The following SLC25A26 variants were observed in gnomAD, a reference collection of about 807,000 sequenced individuals.
The protein encoded by SLC25A26 is mitochondrial S-adenosylmethionine carrier protein.
SLC25A26 carries 36 observed loss-of-function variants against 37.8 expected under a neutral mutation model. The ratio of observed to expected loss-of-function variants is 0.95; its 90% CI spans 0.73 to 1.26. The LOEUF (loss-of-function observed/expected upper bound fraction) is 1.26, where lower values mean the gene tolerates loss of function less well. Among genes scored for constraint, SLC25A26 ranks in the 50% most tolerant of loss-of-function variants. The pLI is 0.00. For missense variants in SLC25A26, 390 were observed against 331.1 expected, an observed-to-expected ratio of 1.18 and a Z score of -1.38; for synonymous variants, 129 against 122.5, an observed-to-expected ratio of 1.05 and a Z score of -0.35.
intron 6 of SLC25A26, among the ~76,000 whole-genome samples, chr3:66,350,713 T>C (rs76510120): frequency 2.6e-5 from 2 of 77,604 alleles, no homozygotes; most frequent in African/African-American, 3.9e-5. Flanking sequence ...TGTGTGTGTG[T>C]GAGCGCGCGC....
At chr3:66,292,201 A>C (rs539260436) in intron 5 of SLC25A26, among the ~76,000 whole-genome samples, 13 of 152,150 alleles carry the variant, frequency 8.5e-5, no homozygotes, top group African/African-American at 2.9e-4. Context: ...GTCTTTGCAC[A>C]TGAGATGGGC....
intron 5 of SLC25A26, among the ~76,000 whole-genome samples, chr3:66,329,945 G>GT (rs1411349874): frequency 6.6e-6 from 1 of 152,194 alleles, no homozygotes; most frequent in Non-Finnish European, 1.5e-5. Flanking sequence ...GCTTTAGCAT[G>GT]TTTTTTGTAG....
intron 1 of SLC25A26, among the ~76,000 whole-genome samples, chr3:66,196,777 A>G (rs1166691498): frequency 6.6e-6 from 1 of 152,202 alleles, no homozygotes; most frequent in African/African-American, 2.4e-5. Context: ...AACCATCTAC[A>G]TTAATTATTA....
At chr3:66,226,152 A>G (rs371204208) in intron 1 of SLC25A26, among the ~76,000 whole-genome samples, 6 of 152,280 alleles carry the variant, frequency 3.9e-5, no homozygotes, top group African/African-American at 9.6e-5. Flanking sequence ...AGACTGGGTA[A>G]TTTATAAAGG....
At chr3:66,190,644 G>A (rs1001388132) in intron 1 of SLC25A26, among the ~76,000 whole-genome samples, 1 of 152,024 alleles carries the variant, frequency 6.6e-6, no homozygotes, top group Admixed American at 6.6e-5. Flanking sequence ...GGCCAGGCTG[G>A]TCTCAAACTC....
intron 3 of SLC25A26, among the ~76,000 whole-genome samples, chr3:66,251,826 A>C (rs1406295938): frequency 6.6e-6 from 1 of 152,062 alleles, no homozygotes; most frequent in Non-Finnish European, 1.5e-5. Context: ...TTCTTTTTCT[A>C]ATATAGTATG....
upstream of SLC25A26, chr3:66,220,612 T>G: frequency 6.3e-6 from 1 of 157,658 alleles, no homozygotes; most frequent in Non-Finnish European, 1.4e-5. Flanking sequence ...CAGATAAAAT[T>G]TTTTGACAAA....
intron 6 of SLC25A26, among the ~76,000 whole-genome samples, chr3:66,349,931 G>T (rs562292426): frequency 2.0e-4 from 31 of 152,162 alleles, no homozygotes; most frequent in African/African-American, 7.2e-4. Context: ...TCTCATTGGG[G>T]TTTTAATTTC....
intron 5 of SLC25A26, among the ~76,000 whole-genome samples, chr3:66,344,173 C>T (rs1188229001): frequency 6.6e-6 from 1 of 152,090 alleles, no homozygotes; most frequent in Non-Finnish European, 1.5e-5. Context: ...ACAGATGATG[C>T]TAATCTTTAA....
chr3:66,332,081 G>C (rs1280535616), intron 5 of SLC25A26, among the ~76,000 whole-genome samples: 4 of 151,982 alleles, frequency 2.6e-5, no homozygotes, highest in Non-Finnish European at 5.9e-5. Context: ...ACAGGTGCGC[G>C]ACACCAAAAA....
intron 3 of SLC25A26, among the ~76,000 whole-genome samples, chr3:66,245,250 TAAA>T (rs60891030): frequency 5.5e-4 from 75 of 135,834 alleles, no homozygotes; most frequent in African/African-American, 1.1e-3. Context: ...CAGTTATGAT[TAAA>T]AAAAAAAAAA....
intron 2 of SLC25A26, among the ~76,000 whole-genome samples, chr3:66,238,887 C>G (rs897359888): frequency 1.3e-5 from 2 of 152,072 alleles, no homozygotes; most frequent in African/African-American, 4.8e-5. Flanking sequence ...GCAAGAGAAG[C>G]AGGCTCACAT....
chr3:66,253,907 T>C (rs948305631), intron 3 of SLC25A26, among the ~76,000 whole-genome samples: 7 of 152,170 alleles, frequency 4.6e-5, no homozygotes, highest in African/African-American at 1.7e-4. Flanking sequence ...CATTTGAGGC[T>C]TATCTTTTGG....
intron 3 of SLC25A26, among the ~76,000 whole-genome samples, chr3:66,258,736 C>T (rs1487135316): frequency 6.6e-6 from 1 of 151,962 alleles, no homozygotes; most frequent in Non-Finnish European, 1.5e-5. Context: ...GGTGGCACCA[C>T]CTACTCAGGA....
chr3:66,158,493 C>T (rs1422001093), intron 1 of SLC25A26, among the ~76,000 whole-genome samples: 2 of 152,138 alleles, frequency 1.3e-5, no homozygotes, highest in Non-Finnish European at 2.9e-5. Flanking sequence ...CTGGGTCATA[C>T]ATTAACTCTA....
At position 66,235,997 on chromosome 3, in the gene SLC25A26, G is replaced by A. The variant is rs142937344; in HGVS notation, c.34-547G>A. ...TGGGATCACATCTCACTGAACCCTT[G>A]AACTCCTAGGCTCAAGTTATCCTTG... On this transcript the variant is annotated intron_variant, in intron 1 of 9. Coordinates refer to ENST00000354883, the MANE Select transcript of SLC25A26 (RefSeq NM_001379210.1). Among the ~76,000 whole-genome samples, 754 of 152,172 alleles carry A rather than the reference G, an allele frequency of 5.0e-3. 13 individuals carry two copies. Among genetic ancestry groups the A allele is most frequent in the African/African-American group, 0.013 (550 of 41,514 alleles).
intron 5 of SLC25A26, among the ~76,000 whole-genome samples, chr3:66,312,533 G>A (rs375583390): frequency 2.5e-4 from 35 of 137,948 alleles, no homozygotes; most frequent in African/African-American, 3.3e-4. Flanking sequence ...TGGGTACGAA[G>A]AAAAAAAAGA....
intron 1 of SLC25A26, among the ~76,000 whole-genome samples, chr3:66,201,917 T>C (rs1398843356): frequency 6.6e-6 from 1 of 151,972 alleles, no homozygotes; most frequent in Admixed American, 6.6e-5. Context: ...TTACGCTACA[T>C]AGGACAAAAG....
chr3:66,368,757 C>T (rs1195515691), intron 7 of SLC25A26, among the ~76,000 whole-genome samples: 4 of 152,074 alleles, frequency 2.6e-5, no homozygotes, highest in Non-Finnish European at 5.9e-5. Context: ...GTGGTTCATG[C>T]CTGTAATCCC....
Sources: gnomAD v4.1 joint callset for allele counts (sites outside exome capture counted in the v4.1 genomes callset) on GRCh38, gnomAD v4.1.1 for gene constraint, MANE v1.5 for transcripts, NCBI Gene and HGNC (gene_info 2026-07-23, HGNC 2026-07-21) for gene names.